The following TRIM67 variants were observed in gnomAD, a reference collection of about 807,000 sequenced individuals.
The protein encoded by TRIM67 is tripartite motif-containing protein 67.
In TRIM67, 39 loss-of-function variants were observed where a neutral mutation model predicts 71.0. That is an observed-to-expected ratio of 0.55 (90% confidence interval 0.43 to 0.72). TRIM67 has a LOEUF of 0.72. TRIM67 is among the 30% of genes least tolerant of loss of function. TRIM67 has a pLI of 0.00. For synonymous variants in TRIM67, 481 were observed against 473.9 expected (o/e 1.01, Z -0.19); for missense variants, 973 against 1,079.2 (o/e 0.90, Z 1.38).
At position 231,170,562 on chromosome 1, in the gene TRIM67, G is replaced by C. The variant is rs77765496; in HGVS notation, c.1044+6549G>C. The stretch of plus-strand genomic sequence containing the variant: ...GTTATATTTTTAGCCTGCAATGGAA[G>C]GGCTTTTATGCCAGTAGACATTCAT... On this transcript the variant is annotated intron_variant, in intron 1 of 9. Transcript: ENST00000366653. Among the ~76,000 whole-genome samples the C allele has an allele frequency of 0.013, 2,010 of 152,256 alleles. 101 individuals are homozygous for C. The East Asian group carries it at 0.15, about 12-fold the overall frequency.
chr1:231,164,022 G>A lies in TRIM67; in HGVS notation c.1044+9G>A, dbSNP rs1011615940. On this transcript the variant is annotated intron_variant, in intron 1 of 9. Transcript: ENST00000366653. ...TGTGGAAGCAGCACAAGGTGAGCCC[G>A]CGGGACGCGGGAGTGCAGGTGCCAG... The A allele has an allele frequency of 2.0e-6, 3 of 1,494,772 alleles. No individual in the cohort carries two copies. Among genetic ancestry groups the A allele is most frequent in the African/African-American group, 2.8e-5 (2 of 71,248 alleles). The allele number at this position is 1,494,772 out of a possible 1,614,324, so 92.6% of individuals were successfully genotyped here.
At chr1:231,184,759 A>G in intron 1 of TRIM67, 1 of 532,824 alleles carries the variant, frequency 1.9e-6, no homozygotes, top group Non-Finnish European at 3.3e-6. Flanking sequence ...ACCGAGAACC[A>G]CCATGAGTAG....
rs573474705 is a variant in TRIM67 at position 231,167,613 on chromosome 1, C to T, written c.1044+3600C>T. Among the ~76,000 whole-genome samples the T allele has an allele frequency of 8.5e-5, 9 of 106,278 alleles. 1 individual carries two copies. The South Asian group carries it at 1.2e-3, about 14-fold the overall frequency. 69.7% of individuals were successfully genotyped at this position (106,278 alleles called of 152,430 possible). A position where few individuals can be genotyped will look rare whatever the true frequency, so the allele number is the denominator to read the frequency against. On this transcript the variant is annotated intron_variant, in intron 1 of 9. Transcript: ENST00000366653. ...CTGGGATTACAGGCGTGAGCCACCG[C>T]GCCCGGCCGTCTTTTTTTTTTTTAA... is the stretch of plus-strand genomic sequence containing the variant.
At chr1:231,202,860 G>A (rs982562507) in intron 5 of TRIM67, among the ~76,000 whole-genome samples, 3 of 152,170 alleles carry the variant, frequency 2.0e-5, no homozygotes, top group African/African-American at 7.2e-5. Context: ...CTTGGAAAGT[G>A]GGGGTGTGGA....
rs534082134 is a variant in TRIM67 at position 231,163,147 on chromosome 1, G to A, written c.178G>A (p.Gly60Ser). The A allele has an allele frequency of 6.9e-5, 104 of 1,514,624 alleles. No homozygotes were observed. The South Asian group carries it at 1.1e-3, about 16-fold the overall frequency. 93.8% of individuals were successfully genotyped at this position (1,514,624 alleles called of 1,614,324 possible). A position where few individuals can be genotyped will look rare whatever the true frequency, so the allele number is the denominator to read the frequency against. ...LLSRGSGLQAGAAAAASLEHD... is the reference protein window; with the variant it reads ...LLSRGSGLQASAAAAASLEHD... ...TTCCCGGGGATCGGGGCTGCAGGCG[G>A]GCGCCGCCGCCGCTGCCTCTCTGGA... The change falls in exon 1 of 10, where the codon GGC (glycine) becomes AGC (serine). Residue 60 changes from glycine to serine, a missense_variant. Transcript: ENST00000366653.
rs190633498 is a variant in TRIM67, at chr1:231,171,089, G to T, written c.1044+7076G>T. ...GGGACTGCTTTTAGAGCTCCAGGGT[G>T]CTAGGCCCATGACTTTCACTGAAAG... On this transcript the variant is annotated intron_variant, in intron 1 of 9. Transcript: ENST00000366653. Among the ~76,000 whole-genome samples the T allele has an allele frequency of 2.0e-3, 308 of 152,328 alleles. 1 individual carries two copies. The highest frequency in any genetic ancestry group is 1.6e-3 in the Non-Finnish European group (108 of 68,038).
At chr1:231,197,563 C>T (rs746925290) in intron 2 of TRIM67, 97 bp downstream of exon 2, 2 of 1,122,914 alleles carry the variant, frequency 1.8e-6, no homozygotes, top group Non-Finnish European at 1.3e-6. Context: ...CGGTGGCTCA[C>T]ACCTGTAATC....
chr1:231,209,673 G>T lies in TRIM67; in HGVS notation c.2123+423G>T, dbSNP rs1049516100. Among the ~76,000 whole-genome samples, 1 of 152,266 alleles carries T rather than the reference G, an allele frequency of 6.6e-6. No individual in the cohort carries two copies. Among genetic ancestry groups the T allele is most frequent in the African/African-American group, 2.4e-5 (1 of 41,476 alleles). ...CCAGGTCATTGCCACTAACTTGCCT[G>T]CAGTGATCCTGGCCACTGCCCTGGT... On this transcript the variant is annotated intron_variant, in intron 8 of 9. Transcript: ENST00000366653. The surrounding 1 kb of genome is among the most constrained non-coding windows in gnomAD (Gnocchi z 4.1).
chr1:231,183,013 C>A (rs1423776606), intron 1 of TRIM67, among the ~76,000 whole-genome samples: 1 of 152,182 alleles, frequency 6.6e-6, no homozygotes, highest in Non-Finnish European at 1.5e-5. Context: ...TCACTGTTAA[C>A]AAGATAGGTT....
chr1:231,178,387 G>A (rs1473407187), intron 1 of TRIM67, among the ~76,000 whole-genome samples: 2 of 152,178 alleles, frequency 1.3e-5, no homozygotes, highest in East Asian at 1.9e-4. Flanking sequence ...TATTAAATGA[G>A]ATCATGCATT....
At chr1:231,203,197 T>C (rs1172557678) in intron 5 of TRIM67, among the ~76,000 whole-genome samples, 1 of 152,248 alleles carries the variant, frequency 6.6e-6, no homozygotes, top group East Asian at 1.9e-4. Context: ...TAAAATCTCT[T>C]GAGCCTGAAT....
At chr1:231,214,096 C>A in intron 9 of TRIM67, 119 bp downstream of exon 9, 2 of 1,231,690 alleles carry the variant, frequency 1.6e-6, no homozygotes, top group South Asian at 3.3e-5. Flanking sequence ...CCTTCCCAGA[C>A]AGAGCTTATC....
chr1:231,202,153 C>CAT (rs1683559017), intron 5 of TRIM67, among the ~76,000 whole-genome samples: 5 of 2,248 alleles, frequency 2.2e-3, no homozygotes, highest in Admixed American at 0.012. Context: ...GAAGAGGTAG[C>CAT]GGAGGAGGAG....
At chr1:231,207,127 G>A (rs544706889) in intron 7 of TRIM67, among the ~76,000 whole-genome samples, 50 of 152,302 alleles carry the variant, frequency 3.3e-4, no homozygotes, top group African/African-American at 1.2e-3. Flanking sequence ...GCACCCACAT[G>A]GCCTACAAGC....
chr1:231,176,911 A>AAAAAAAAAAACAAAAAAAAC (rs1553322807), intron 1 of TRIM67, among the ~76,000 whole-genome samples: 5 of 151,204 alleles, frequency 3.3e-5, no homozygotes, highest in African/African-American at 1.2e-4. Flanking sequence ...TCTGGCAAAA[A>AAAAAAAAAAACAAAAAAAAC]AAAAAAAAAA....
chr1:231,214,744 A>C (rs1170324553), intron 9 of TRIM67, among the ~76,000 whole-genome samples: 1 of 143,502 alleles, frequency 7.0e-6, no homozygotes, highest in Non-Finnish European at 1.5e-5. Context: ...GCACCACTGC[A>C]CTCCAGCCTG....
At chr1:231,193,495 T>G (rs1043729403) in intron 1 of TRIM67, among the ~76,000 whole-genome samples, 3 of 134,870 alleles carry the variant, frequency 2.2e-5, no homozygotes, top group African/African-American at 8.3e-5. Context: ...ACCTGAACTC[T>G]CTCTCAAGCT....
At chr1:231,165,755 A>C (rs552386054) in intron 1 of TRIM67, among the ~76,000 whole-genome samples, 18 of 152,346 alleles carry the variant, frequency 1.2e-4, no homozygotes, top group African/African-American at 4.1e-4. Flanking sequence ...TTTACAAATA[A>C]ATTATTTGTA....
At chr1:231,203,618 G>A (rs991073899) in intron 5 of TRIM67, among the ~76,000 whole-genome samples, 16 of 152,172 alleles carry the variant, frequency 1.1e-4, no homozygotes, top group East Asian at 1.9e-4. Flanking sequence ...CATCTGCCAC[G>A]GCCCCCTGAG....
Sources: allele counts gnomAD v4.1 joint callset (sites outside exome capture counted in the v4.1 genomes callset), GRCh38; gene constraint gnomAD v4.1.1; non-coding constraint Gnocchi (gnomAD v3.1); transcripts MANE v1.5; gene names NCBI Gene and HGNC (gene_info 2026-07-23, HGNC 2026-07-21).